The following ITGA2 variants were observed in gnomAD, a reference collection of about 807,000 sequenced individuals.
ITGA2 encodes the protein integrin subunit alpha 2.
ITGA2 carries 101 observed loss-of-function variants against 146.3 expected under a neutral mutation model. The observed-to-expected ratio is 0.69, with a 90% CI of 0.59 to 0.81. The LOEUF (loss-of-function observed/expected upper bound fraction) is 0.81, where lower values mean the gene tolerates loss of function less well. Among genes scored for constraint, ITGA2 ranks in the 40% least tolerant of loss-of-function variants. The pLI, the probability that ITGA2 is intolerant of heterozygous loss-of-function variation, is 0.00. For missense variants in ITGA2, 1,281 were observed against 1,402.7 expected, an observed-to-expected ratio of 0.91 and a Z score of 1.39; for synonymous variants, 477 against 487.1, an observed-to-expected ratio of 0.98 and a Z score of 0.27.
chr5:52,993,220 C>A (rs1249986267), intron 1 of ITGA2, among the ~76,000 whole-genome samples: 1 of 152,172 alleles, frequency 6.6e-6, no homozygotes, highest in Non-Finnish European at 1.5e-5. Flanking sequence ...TCATCCTCAG[C>A]CCCTTAATGG....
At chr5:53,027,833 G>A (rs1349938199) in intron 2 of ITGA2, among the ~76,000 whole-genome samples, 2 of 152,188 alleles carry the variant, frequency 1.3e-5, no homozygotes, top group African/African-American at 4.8e-5. Flanking sequence ...TGTAATCCCA[G>A]CACTTTGGGA....
At position 53,090,659 on chromosome 5, in the gene ITGA2, G is replaced by C; in HGVS notation, c.*60G>C. 2 of 1,273,002 alleles carry C rather than the reference G, an allele frequency of 1.6e-6. No homozygotes were observed. Among genetic ancestry groups the C allele is most frequent in the Non-Finnish European group, 2.3e-6 (2 of 880,266 alleles). 78.9% of individuals were successfully genotyped at this position (1,273,002 alleles called of 1,614,324 possible). A position where few individuals can be genotyped will look rare whatever the true frequency, so the allele number is the denominator to read the frequency against. On this transcript the variant is annotated 3_prime_UTR_variant, in exon 30 of 30. Coordinates refer to ENST00000296585, the MANE Select transcript of ITGA2 (RefSeq NM_002203.4). ...ATCCCAGCCAGGGTTTGCTGTTTGC[G>C]TGAATGGATTTCTTTTTAAATCCCA... is the stretch of plus-strand genomic sequence containing the variant.
At chr5:53,062,959 A>T in intron 13 of ITGA2, 30 bp downstream of exon 13, 1 of 1,571,916 alleles carries the variant, frequency 6.4e-7, no homozygotes, top group Non-Finnish European at 8.7e-7. Flanking sequence ...CTAATAGTTT[A>T]ATTTGCTTTA....
intron 9 of ITGA2, among the ~76,000 whole-genome samples, chr5:53,056,789 T>C (rs1046941193): frequency 6.6e-6 from 1 of 151,672 alleles, no homozygotes; most frequent in Non-Finnish European, 1.5e-5. Flanking sequence ...GAGCTCACTG[T>C]GTGGGGGACT....
chr5:53,061,115 C>A, intron 12 of ITGA2, 69 bp downstream of exon 12: 1 of 1,507,754 alleles, frequency 6.6e-7, no homozygotes, highest in Non-Finnish European at 9.2e-7. Flanking sequence ...GTCAGGTGAA[C>A]AGAAATGGAA....
At chr5:53,067,540 A>G (rs758896881) in intron 16 of ITGA2, among the ~76,000 whole-genome samples, 2 of 151,838 alleles carry the variant, frequency 1.3e-5, no homozygotes, top group South Asian at 2.1e-4. Context: ...TCTTACCTCC[A>G]TTTCTCTTAC....
intron 20 of ITGA2, 69 bp from the exon 21 acceptor site, chr5:53,074,316 C>A: frequency 8.4e-7 from 1 of 1,187,270 alleles, no homozygotes; most frequent in South Asian, 1.2e-5. Context: ...CCTCTTTTAC[C>A]AGGTGCGTGC....
intron 23 of ITGA2, among the ~76,000 whole-genome samples, chr5:53,076,679 G>T (rs931629714): frequency 6.6e-6 from 1 of 151,560 alleles, no homozygotes; most frequent in African/African-American, 2.4e-5. Context: ...TCCTACAATG[G>T]CCAATATTTT....
At chr5:53,027,803 C>T (rs1308622191) in intron 2 of ITGA2, among the ~76,000 whole-genome samples, 10 of 152,198 alleles carry the variant, frequency 6.6e-5, no homozygotes, top group African/African-American at 2.2e-4. Flanking sequence ...AATGTATGGC[C>T]AAGTGCAGTG....
At position 53,081,679 on chromosome 5, in the gene ITGA2, A is replaced by G. The variant is rs1469921912; in HGVS notation, c.3127A>G (p.Arg1043Gly). 2.5e-6 allele frequency: 4 copies of G among 1,610,998 alleles called. No homozygotes were observed. In the South Asian group the frequency reaches 4.4e-5, roughly 18 times the overall value. ...TGTATCTTTCAAAAGTGAAAATTTC[A>G]GGCACACCAAAGAATTGGTGAGGAC... ...SSVSFKSENF[R>G]HTKELNCRTA... Residue 1043 changes from arginine to glycine, a missense_variant, in exon 26 of 30, where the codon AGG (arginine) becomes GGG (glycine). Arg to Gly is a moderately radical substitution (Grantham distance 125, BLOSUM62 -2). Transcript: ENST00000296585.
At chr5:52,996,739 G>A (rs994545100) in intron 1 of ITGA2, among the ~76,000 whole-genome samples, 9 of 152,288 alleles carry the variant, frequency 5.9e-5, no homozygotes, top group African/African-American at 2.2e-4. Context: ...TAATATCAGT[G>A]CGTTAGTCAG....
chr5:52,990,906 C>A (rs1740921000), intron 1 of ITGA2, among the ~76,000 whole-genome samples: 1 of 152,110 alleles, frequency 6.6e-6, no homozygotes, highest in Non-Finnish European at 1.5e-5. Flanking sequence ...CTCTGGAATA[C>A]AACTAGAGCT....
intron 27 of ITGA2, among the ~76,000 whole-genome samples, chr5:53,086,504 C>G (rs1746163269): frequency 6.6e-6 from 1 of 152,158 alleles, no homozygotes; most frequent in South Asian, 2.1e-4. Context: ...GTTTTCCATT[C>G]CATTGTGTGA....
intron 1 of ITGA2, among the ~76,000 whole-genome samples, chr5:52,996,711 C>A (rs1741276084): frequency 6.6e-6 from 1 of 152,176 alleles, no homozygotes; most frequent in Non-Finnish European, 1.5e-5. Context: ...TATAACACTC[C>A]AATTCCAGTG....
chr5:53,077,839 C>A (rs1318842344), intron 23 of ITGA2, among the ~76,000 whole-genome samples: 1 of 152,026 alleles, frequency 6.6e-6, no homozygotes, highest in Non-Finnish European at 1.5e-5. Context: ...AAAATATCCA[C>A]CCCAAGTTTT....
chr5:53,014,436 C>T (rs899897797), intron 1 of ITGA2, among the ~76,000 whole-genome samples: 13 of 152,066 alleles, frequency 8.5e-5, no homozygotes, highest in Non-Finnish European at 1.3e-4. Flanking sequence ...AACTTGCATC[C>T]GAGGGATAAA....
At chr5:53,042,356 G>A (rs2111886359) in intron 3 of ITGA2, 135 bp downstream of exon 3, 1 of 672,216 alleles carries the variant, frequency 1.5e-6, no homozygotes, top group Non-Finnish European at 2.7e-6. Flanking sequence ...GTAATATGGG[G>A]CACAATCATA....
intron 13 of ITGA2, among the ~76,000 whole-genome samples, chr5:53,063,659 A>G (rs1389880592): frequency 6.6e-6 from 1 of 151,886 alleles, no homozygotes; most frequent in East Asian, 1.9e-4. Context: ...AATAGTAAAT[A>G]CTATGTTTAA....
chr5:52,999,946 T>G (rs1741482354), intron 1 of ITGA2, among the ~76,000 whole-genome samples: 2 of 152,336 alleles, frequency 1.3e-5, no homozygotes, highest in Middle Eastern at 3.4e-3. Context: ...CTATATGTTC[T>G]TTTCCAATCA....
Sources: allele counts gnomAD v4.1 joint callset (sites outside exome capture counted in the v4.1 genomes callset), GRCh38; gene constraint gnomAD v4.1.1; transcripts MANE v1.5; gene names NCBI Gene and HGNC (gene_info 2026-07-23, HGNC 2026-07-21).